CACNA1D: variants seen among roughly 807,000 people sequenced by gnomAD.
CACNA1D encodes voltage-dependent L-type calcium channel subunit alpha-1D.
A neutral mutation model predicts 257.1 loss-of-function variants in CACNA1D; 55 were observed. That is an observed-to-expected ratio of 0.21 (90% CI 0.17 to 0.27). The LOEUF is 0.27. CACNA1D is among the 10% of genes least tolerant of loss of function. The pLI is 1.00. For synonymous variants in CACNA1D, 980 were observed against 1,014.9 expected, an observed-to-expected ratio of 0.97 and a Z score of 0.65; for missense variants, 1,876 against 2,784.0, an observed-to-expected ratio of 0.67 and a Z score of 7.34.
chr3:53,695,883 A>G (rs1324984635), intron 8 of CACNA1D, among the ~76,000 whole-genome samples: 1 of 152,180 alleles, frequency 6.6e-6, no homozygotes, highest in Non-Finnish European at 1.5e-5. Context: ...CCTTGCCTAC[A>G]GAGAAGCAAT....
intron 46 of CACNA1D, 29 bp from the exon 47 acceptor site, chr3:53,809,949 G>C (rs200831586): frequency 6.2e-7 from 1 of 1,607,998 alleles, no homozygotes; most frequent in Non-Finnish European, 8.5e-7. Context: ...GAGAACCTCT[G>C]GTCTCCCAAC....
At chr3:53,738,844 T>C (rs1311453912) in intron 20 of CACNA1D, among the ~76,000 whole-genome samples, 2 of 151,762 alleles carry the variant, frequency 1.3e-5, no homozygotes, top group Non-Finnish European at 2.9e-5. Context: ...CAGGTTGCCT[T>C]GTAGACTTGT....
chr3:53,518,126 G>T (rs1187161555), intron 3 of CACNA1D, among the ~76,000 whole-genome samples: 1 of 152,232 alleles, frequency 6.6e-6, no homozygotes, highest in African/African-American at 2.4e-5. Context: ...CTGTGGCTTT[G>T]CACGTCGGGT....
Position 53,497,390 on chromosome 3 carries a change from T to C in CACNA1D, c.306T>C (p.Pro102=). Reference sequence around the variant, plus strand: ...AGGGTAACTCGTCCAACAGCCGACCTGCCCGCGCCCTTTTCTGTTTATCAC... The same window carrying C: ...AGGGTAACTCGTCCAACAGCCGACCCGCCCGCGCCCTTTTCTGTTTATCAC... The part of the protein sequence containing the change: ...KKQGNSSNSR[P]ARALFCLSLN... The change falls in exon 2 of 48, where the codon CCT becomes CCC. Residue 102 remains proline, a synonymous_variant. Transcript: ENST00000350061. 1 of 1,614,218 alleles carries C rather than the reference T, an allele frequency of 6.2e-7. No homozygotes were observed. The highest frequency in any genetic ancestry group is 8.5e-7 in the Non-Finnish European group (1 of 1,180,032).
At chr3:53,547,193 G>A (rs1382837469) in intron 3 of CACNA1D, among the ~76,000 whole-genome samples, 1 of 152,122 alleles carries the variant, frequency 6.6e-6, no homozygotes, top group East Asian at 1.9e-4. Flanking sequence ...ATTGTGTGCT[G>A]GGTGCAAGGC....
At chr3:53,619,780 G>A (rs551968873) in intron 3 of CACNA1D, among the ~76,000 whole-genome samples, 2 of 152,230 alleles carry the variant, frequency 1.3e-5, no homozygotes, top group South Asian at 4.2e-4. Context: ...AAGAATACTG[G>A]GCAAGTGTAA....
chr3:53,727,397 T>A (rs1318284218), intron 15 of CACNA1D, among the ~76,000 whole-genome samples: 12 of 152,350 alleles, frequency 7.9e-5, no homozygotes, highest in African/African-American at 2.2e-4. Flanking sequence ...CCTAAGACCC[T>A]TCGTGACTGA....
intron 8 of CACNA1D, among the ~76,000 whole-genome samples, chr3:53,693,901 TAAAAC>T (rs1006184918): frequency 6.6e-5 from 10 of 152,232 alleles, no homozygotes; most frequent in African/African-American, 1.7e-4. Context: ...TGGGTCTAAT[TAAAAC>T]AGATAGCATT....
Position 53,495,285 on chromosome 3 carries a change from C to T in CACNA1D, c.67+52C>T, listed in dbSNP as rs771128878. 5.0e-6 allele frequency: 8 copies of T among 1,604,954 alleles called. No homozygotes were observed. The East Asian group carries it at 1.6e-4, about 31-fold the overall frequency. ...CTGCCAAATCCGATCCTGTCATGGT[C>T]CTCCAGCCCCCTCCCCCTTCCCCGC... On this transcript the variant is annotated intron_variant, in intron 1 of 47. Transcript: ENST00000350061. This position sits in a 1 kb window ranked among gnomAD's most constrained non-coding sequence, Gnocchi z 5.1.
At chr3:53,620,973 A>G (rs539251037) in intron 3 of CACNA1D, among the ~76,000 whole-genome samples, 1 of 152,328 alleles carries the variant, frequency 6.6e-6, no homozygotes, top group East Asian at 1.9e-4. Flanking sequence ...AGCACTGAGA[A>G]GGGAGCAAGA....
intron 3 of CACNA1D, among the ~76,000 whole-genome samples, chr3:53,577,323 G>C (rs998409163): frequency 1.3e-5 from 2 of 152,178 alleles, no homozygotes; most frequent in Non-Finnish European, 2.9e-5. Context: ...ATTCCAGGGG[G>C]TGCTGGGGAG....
chr3:53,756,546 G>T (rs548081948), intron 29 of CACNA1D, among the ~76,000 whole-genome samples: 33 of 152,322 alleles, frequency 2.2e-4, no homozygotes, highest in African/African-American at 7.5e-4. Context: ...GTTCCCGAAG[G>T]GAAAGTTCAC....
At chr3:53,528,413 GTTA>G (rs1325086071) in intron 3 of CACNA1D, among the ~76,000 whole-genome samples, 3 of 152,242 alleles carry the variant, frequency 2.0e-5, no homozygotes, top group African/African-American at 7.2e-5. Flanking sequence ...TCTCTGTACT[GTTA>G]TTATTACTGA....
intron 3 of CACNA1D, among the ~76,000 whole-genome samples, chr3:53,564,856 G>A (rs1473714681): frequency 6.6e-6 from 1 of 152,156 alleles, no homozygotes; most frequent in Non-Finnish European, 1.5e-5. Context: ...GCTGTTTAAG[G>A]AATTCTTAAG....
intron 3 of CACNA1D, among the ~76,000 whole-genome samples, chr3:53,627,613 G>A (rs959556493): frequency 8.3e-6 from 1 of 121,186 alleles, no homozygotes; most frequent in South Asian, 3.3e-4. Flanking sequence ...CTGTGGATGG[G>A]TGGGGGGTGG....
chr3:53,612,565 C>A (rs886844266), intron 3 of CACNA1D, among the ~76,000 whole-genome samples: 9 of 152,228 alleles, frequency 5.9e-5, no homozygotes, highest in Non-Finnish European at 1.2e-4. Flanking sequence ...TGCTTAGCCT[C>A]ATGGAGTTTT....
chr3:53,687,934 A>G (rs2094487311), intron 8 of CACNA1D, among the ~76,000 whole-genome samples: 1 of 152,256 alleles, frequency 6.6e-6, no homozygotes, highest in South Asian at 2.1e-4. Flanking sequence ...GACTATTTCC[A>G]AGTGTCACCA....
chr3:53,607,670 A>G (rs1175531581), intron 3 of CACNA1D, among the ~76,000 whole-genome samples: 3 of 152,206 alleles, frequency 2.0e-5, no homozygotes, highest in African/African-American at 7.2e-5. Context: ...TTATAGTTTT[A>G]GCTTTTGCAT....
intron 11 of CACNA1D, among the ~76,000 whole-genome samples, 156 bp downstream of exon 11, chr3:53,719,937 C>T (rs1043427577): frequency 6.6e-6 from 1 of 152,172 alleles, no homozygotes; most frequent in Non-Finnish European, 1.5e-5. Flanking sequence ...TCCTATGAGC[C>T]TGGCTTAGGG....
Sources: gnomAD v4.1 joint callset for allele counts (sites outside exome capture counted in the v4.1 genomes callset) on GRCh38, gnomAD v4.1.1 for gene constraint, Gnocchi (gnomAD v3.1) non-coding constraint, MANE v1.5 for transcripts, NCBI Gene and HGNC (gene_info 2026-07-23, HGNC 2026-07-21) for gene names.